Variants in CCDC15 observed in about 807,000 individuals in gnomAD.
CCDC15 encodes the protein coiled-coil domain containing 15, also known as coiled-coil domain-containing protein 15.
In CCDC15, 105 loss-of-function variants were observed where a neutral mutation model predicts 114.5. The ratio of observed to expected loss-of-function variants is 0.92; its 90% CI spans 0.78 to 1.08. The LOEUF (loss-of-function observed/expected upper bound fraction) is 1.08. Among genes scored for constraint, CCDC15 ranks in the 50% least tolerant of loss-of-function variants. The probability of loss-of-function intolerance (pLI) is 0.00; values close to 1 mark genes in which losing one functional copy is unlikely to be tolerated. For synonymous variants in CCDC15, 334 were observed against 377.8 expected (o/e 0.88, Z 1.34); for missense variants, 1,105 against 1,093.6 (o/e 1.01, Z -0.15).
intron 15 of CCDC15, chr11:125,039,623 C>G (rs544139682): frequency 2.0e-4 from 31 of 152,308 alleles, no homozygotes; most frequent in African/African-American, 6.7e-4. Flanking sequence ...ATGTAGCCCT[C>G]ATGTATACAC....
chr11:124,966,391 T>G (rs1274083370), intron 4 of CCDC15, among the ~76,000 whole-genome samples: 1 of 152,238 alleles, frequency 6.6e-6, no homozygotes, highest in Non-Finnish European at 1.5e-5. Context: ...TTTACCGTTA[T>G]GTAATGGCCT....
chr11:124,958,313 C>T (rs562589173), intron 2 of CCDC15, among the ~76,000 whole-genome samples: 23 of 151,946 alleles, frequency 1.5e-4, no homozygotes, highest in South Asian at 1.2e-3. Context: ...GCTTTGAATG[C>T]GACCCAATGT....
At chr11:124,976,869 C>T (rs1272882515) in intron 5 of CCDC15, among the ~76,000 whole-genome samples, 1 of 151,986 alleles carries the variant, frequency 6.6e-6, no homozygotes, top group Non-Finnish European at 1.5e-5. Context: ...TTCAGGCTAC[C>T]TACTTGCTTC....
At chr11:124,983,559 C>T (rs569244808) in intron 6 of CCDC15, among the ~76,000 whole-genome samples, 2 of 152,166 alleles carry the variant, frequency 1.3e-5, no homozygotes, top group South Asian at 2.1e-4. Flanking sequence ...GAACTCAGCT[C>T]ATGACTCTTG....
At position 125,022,657 on chromosome 11, in the gene CCDC15, A is replaced by G. The variant is rs372366426; in HGVS notation, c.2412-15774A>G. 1.6e-4 allele frequency among the ~76,000 whole-genome samples: 25 copies of G among 152,086 alleles called. No individual in the cohort carries two copies. In the East Asian group the frequency reaches 2.7e-3, roughly 16 times the overall value. On this transcript the variant is annotated intron_variant, in intron 13 of 15. Coordinates refer to ENST00000344762, the MANE Select transcript of CCDC15 (RefSeq NM_025004.3). Reference sequence around the variant, plus strand: ...TGTTAATCTAACAAAATGGAAGGCTATAATTCCCCTGGAGTCAATAGCCTG... The same window carrying G: ...TGTTAATCTAACAAAATGGAAGGCTGTAATTCCCCTGGAGTCAATAGCCTG...
At position 125,005,156 on chromosome 11, in the gene CCDC15, G is replaced by T; in HGVS notation, c.2355G>T (p.Glu785Asp). The T allele has an allele frequency of 6.4e-7, 1 of 1,574,734 alleles. No homozygotes were observed. The highest frequency in any genetic ancestry group is 1.2e-5 in the South Asian group (1 of 85,188). The change falls in exon 13 of 16, where the codon GAG becomes GAT. Residue 785 changes from glutamate (E) to aspartate (D), a missense_variant. By Grantham distance (45) the Glu-to-Asp change is conservative. Transcript: ENST00000344762. ...LRHRRLFMDI[E>D]REQVKEQQRQ... is the part of the protein sequence containing the mutation. Reference sequence around the variant, plus strand: ...ATAGACGACTTTTCATGGATATTGAGAGAGAACAAGTTAAAGAACAACAAA... The same window carrying T: ...ATAGACGACTTTTCATGGATATTGATAGAGAACAAGTTAAAGAACAACAAA...
At chr11:124,956,822 A>G (rs754245485) in intron 2 of CCDC15, among the ~76,000 whole-genome samples, 1 of 152,190 alleles carries the variant, frequency 6.6e-6, no homozygotes, top group Non-Finnish European at 1.5e-5. Flanking sequence ...ACCCTTATTA[A>G]CGGATATAGC....
chr11:124,975,316 G>A (rs1947955940), intron 5 of CCDC15, 107 bp downstream of exon 5: 2 of 602,400 alleles, frequency 3.3e-6, no homozygotes, highest in South Asian at 3.2e-5. Flanking sequence ...ATTGGAAATA[G>A]CCTTAAATAC....
At chr11:125,006,473 T>G (rs535649924) in intron 13 of CCDC15, among the ~76,000 whole-genome samples, 1 of 152,316 alleles carries the variant, frequency 6.6e-6, no homozygotes, top group South Asian at 2.1e-4. Context: ...TTCCCCAGTC[T>G]GTAGCATGTC....
chr11:124,993,065 C>T, intron 10 of CCDC15, 104 bp from the exon 11 acceptor site: 1 of 715,676 alleles, frequency 1.4e-6, no homozygotes, highest in Non-Finnish European at 2.5e-6. Flanking sequence ...CTATTATCCT[C>T]ACCTAGTGTC....
chr11:125,033,145 C>T (rs1948752621), intron 13 of CCDC15, among the ~76,000 whole-genome samples: 1 of 152,132 alleles, frequency 6.6e-6, no homozygotes, highest in Non-Finnish European at 1.5e-5. Flanking sequence ...ATTGAGGGGC[C>T]ATGATTCTCT....
At chr11:125,011,849 G>A (rs1334376113) in intron 13 of CCDC15, among the ~76,000 whole-genome samples, 2 of 152,066 alleles carry the variant, frequency 1.3e-5, no homozygotes, top group African/African-American at 2.4e-5. Flanking sequence ...CTAGAAGGTC[G>A]GACTCAAATT....
At chr11:125,025,591 G>A (rs2135538477) in intron 13 of CCDC15, among the ~76,000 whole-genome samples, 1 of 152,066 alleles carries the variant, frequency 6.6e-6, no homozygotes, top group South Asian at 2.1e-4. Context: ...TATATTTTCA[G>A]TGTCACTAAT....
intron 6 of CCDC15, among the ~76,000 whole-genome samples, chr11:124,982,179 G>C (rs551023142): frequency 1.3e-5 from 2 of 151,982 alleles, no homozygotes; most frequent in East Asian, 1.9e-4. Flanking sequence ...GAGCCTATTG[G>C]TGTCATTTCA....
At position 124,954,908 on chromosome 11, in the gene CCDC15, A is replaced by T. The variant is rs201158635; in HGVS notation, c.176A>T (p.Tyr59Phe). 198 of 1,613,842 alleles carry T rather than the reference A, an allele frequency of 1.2e-4. No individual in the cohort carries two copies. Among genetic ancestry groups the T allele is most frequent in the Admixed American group, 7.2e-4 (43 of 60,022 alleles). The change falls in exon 2 of 16, where the codon TAT becomes TTT. Residue 59 changes from tyrosine (Y) to phenylalanine (F), a missense_variant and splice_region_variant. Coordinates refer to ENST00000344762, the MANE Select transcript of CCDC15 (RefSeq NM_025004.3). ...ASPGSSEIPAYTSAYLIEEEL... is the reference protein window; with the variant it reads ...ASPGSSEIPAFTSAYLIEEEL... The stretch of plus-strand genomic sequence containing the variant: ...CCAGGTAGTTCGGAAATCCCAGCAT[A>T]TGTGAGTGTCAGTTTGATCCAAATA...
At chr11:124,960,784 T>C (rs1356799132) in intron 4 of CCDC15, among the ~76,000 whole-genome samples, 15 of 152,222 alleles carry the variant, frequency 9.9e-5, no homozygotes, top group Non-Finnish European at 1.5e-5. Context: ...CACCTTAGTA[T>C]ACCTGAGCTT....
At chr11:124,977,110 G>A (rs1591582027) in intron 5 of CCDC15, among the ~76,000 whole-genome samples, 1 of 152,066 alleles carries the variant, frequency 6.6e-6, no homozygotes, top group South Asian at 2.1e-4. Context: ...TTAGTCTTTA[G>A]TGACATTAGA....
chr11:125,012,835 G>A (rs556141289), intron 13 of CCDC15, among the ~76,000 whole-genome samples: 1 of 152,134 alleles, frequency 6.6e-6, no homozygotes, highest in Non-Finnish European at 1.5e-5. Flanking sequence ...TGTTCTATAT[G>A]CTGAGAATAT....
intron 11 of CCDC15, among the ~76,000 whole-genome samples, chr11:125,000,015 C>T (rs1948448578): frequency 6.6e-6 from 1 of 151,820 alleles, no homozygotes. Context: ...GCGCCCACCA[C>T]CACGCCTGGC....
Sources: allele counts gnomAD v4.1 joint callset (sites outside exome capture counted in the v4.1 genomes callset), GRCh38; gene constraint gnomAD v4.1.1; transcripts MANE v1.5; gene names NCBI Gene and HGNC (gene_info 2026-07-23, HGNC 2026-07-21).